The following FSHR variants were observed in gnomAD, a reference collection of about 807,000 sequenced individuals.
FSHR encodes follicle stimulating hormone receptor, also known as follicle-stimulating hormone receptor.
In FSHR, 46 loss-of-function variants were observed where a neutral mutation model predicts 52.1. The ratio of observed to expected loss-of-function variants is 0.88; its 90% confidence interval spans 0.70 to 1.13. The LOEUF (loss-of-function observed/expected upper bound fraction) is 1.13. Ranked by LOEUF, FSHR falls within the 50% of genes most tolerant of loss-of-function variation. FSHR has a pLI of 0.00. For synonymous variants in FSHR, 399 were observed against 309.6 expected (o/e 1.29, Z -3.03); for missense variants, 964 against 834.6 (o/e 1.16, Z -1.91).
chr2:49,090,201 A>G (rs1299273585), intron 1 of FSHR, among the ~76,000 whole-genome samples: 1 of 151,954 alleles, frequency 6.6e-6, no homozygotes, highest in Non-Finnish European at 1.5e-5. Context: ...GCATAGATTC[A>G]TGTAACCACC....
At chr2:49,003,415 C>T (rs745833417) in intron 4 of FSHR, among the ~76,000 whole-genome samples, 6 of 152,208 alleles carry the variant, frequency 3.9e-5, no homozygotes, top group East Asian at 1.9e-4. Flanking sequence ...GTGGTTTCCC[C>T]GTCCTGATCT....
chr2:48,998,893 A>T (rs551254401), intron 4 of FSHR, among the ~76,000 whole-genome samples: 1 of 152,248 alleles, frequency 6.6e-6, no homozygotes, highest in African/African-American at 2.4e-5. Context: ...ATATCGAAGC[A>T]TATTATTCAT....
At chr2:49,137,138 C>G (rs544036896) in intron 1 of FSHR, among the ~76,000 whole-genome samples, 28 of 152,006 alleles carry the variant, frequency 1.8e-4, no homozygotes, top group Non-Finnish European at 1.9e-4. Flanking sequence ...ATTATTAGAA[C>G]TAATAAATGA....
chr2:48,985,025 A>C (rs1675424290), intron 6 of FSHR, among the ~76,000 whole-genome samples: 1 of 152,150 alleles, frequency 6.6e-6, no homozygotes, highest in South Asian at 2.1e-4. Flanking sequence ...TGGGAATCTC[A>C]AGCTAGTAAC....
At chr2:49,049,841 AT>A (rs1668789598) in intron 2 of FSHR, among the ~76,000 whole-genome samples, 2 of 138,466 alleles carry the variant, frequency 1.4e-5, no homozygotes, top group Admixed American at 1.4e-4. Context: ...ATATATATAT[AT>A]ATATATATAA....
At chr2:49,052,894 C>G (rs561900144) in intron 2 of FSHR, among the ~76,000 whole-genome samples, 2 of 152,300 alleles carry the variant, frequency 1.3e-5, no homozygotes, top group African/African-American at 4.8e-5. Flanking sequence ...TTCTGGTTAC[C>G]TGATTTACTT....
chr2:49,034,383 A>G (rs1031421344), intron 2 of FSHR, among the ~76,000 whole-genome samples: 3 of 152,142 alleles, frequency 2.0e-5, no homozygotes, highest in Non-Finnish European at 4.4e-5. Context: ...AACTTCCCCA[A>G]ATCTCCTCTA....
intron 1 of FSHR, among the ~76,000 whole-genome samples, chr2:49,118,812 C>G (rs1016655296): frequency 6.6e-6 from 1 of 152,196 alleles, no homozygotes; most frequent in Non-Finnish European, 1.5e-5. Context: ...GAAATCTTCA[C>G]CTTTTTCCAG....
At chr2:49,141,072 C>G (rs1045775309) in intron 1 of FSHR, among the ~76,000 whole-genome samples, 2 of 152,166 alleles carry the variant, frequency 1.3e-5, no homozygotes, top group Non-Finnish European at 2.9e-5. Flanking sequence ...TATAGATAGG[C>G]ATACATATTG....
intron 6 of FSHR, among the ~76,000 whole-genome samples, chr2:48,985,813 A>C (rs1351868019): frequency 2.3e-5 from 3 of 132,374 alleles, no homozygotes; most frequent in Middle Eastern, 3.9e-3. Flanking sequence ...TCCCGGGTTC[A>C]CGCCATTCTC....
rs530438331 is a variant in FSHR, at chr2:49,142,017, A to C, written c.152+12249T>G. On this transcript the variant is annotated intron_variant, in intron 1 of 9. Coordinates refer to ENST00000406846, the MANE Select transcript of FSHR (RefSeq NM_000145.4). Reference sequence around the variant, plus strand: ...GGGCAAGATGCTATAGGTGGCATGCAGCATAGTGACACAGTAGGACTTATT... The same window carrying C: ...GGGCAAGATGCTATAGGTGGCATGCCGCATAGTGACACAGTAGGACTTATT... Among the ~76,000 whole-genome samples the C allele has an allele frequency of 6.2e-4, 94 of 152,352 alleles. 1 individual carries two copies. Among genetic ancestry groups the C allele is most frequent in the South Asian group, 1.9e-3 (9 of 4,828 alleles).
intron 2 of FSHR, among the ~76,000 whole-genome samples, chr2:49,061,161 A>G (rs1345017760): frequency 6.6e-6 from 1 of 152,070 alleles, no homozygotes; most frequent in Non-Finnish European, 1.5e-5. Context: ...TCTTGGCTTC[A>G]TGGGAAACCT....
chr2:49,088,614 G>A (rs995210963), intron 1 of FSHR, among the ~76,000 whole-genome samples: 5 of 152,162 alleles, frequency 3.3e-5, no homozygotes, highest in Admixed American at 2.0e-4. Flanking sequence ...TTCTTTAGGT[G>A]CCCTCAGTTA....
At chr2:49,079,308 A>G (rs1376167768) in intron 1 of FSHR, among the ~76,000 whole-genome samples, 2 of 152,172 alleles carry the variant, frequency 1.3e-5, no homozygotes, top group Non-Finnish European at 2.9e-5. Flanking sequence ...TTTAATCCAC[A>G]TCAGTATATA....
At chr2:49,006,757 C>A (rs1186756086) in intron 4 of FSHR, among the ~76,000 whole-genome samples, 1 of 152,102 alleles carries the variant, frequency 6.6e-6, no homozygotes, top group Non-Finnish European at 1.5e-5. Flanking sequence ...CTTTTCTCCC[C>A]AAAGGACTGA....
intron 2 of FSHR, among the ~76,000 whole-genome samples, chr2:49,038,916 C>T (rs1443437260): frequency 6.6e-6 from 1 of 151,890 alleles, no homozygotes; most frequent in East Asian, 1.9e-4. Flanking sequence ...AAAAGAAGGG[C>T]TAAAGAAATT....
intron 1 of FSHR, among the ~76,000 whole-genome samples, chr2:49,132,148 C>G (rs1483094029): frequency 1.3e-5 from 2 of 152,114 alleles, no homozygotes; most frequent in Non-Finnish European, 2.9e-5. Flanking sequence ...AGATGTGTTG[C>G]CTGTAGTTAC....
At chr2:49,126,295 G>A (rs1318850820) in intron 1 of FSHR, among the ~76,000 whole-genome samples, 1 of 139,628 alleles carries the variant, frequency 7.2e-6, no homozygotes, top group African/African-American at 2.6e-5. Context: ...AGGCAAGAGA[G>A]CACATGCGCG....
At chr2:49,065,050 T>C (rs1191935401) in intron 2 of FSHR, among the ~76,000 whole-genome samples, 3 of 152,282 alleles carry the variant, frequency 2.0e-5, no homozygotes, top group African/African-American at 7.2e-5. Flanking sequence ...TGCCAGACAT[T>C]GTCCAAAGAA....
Sources: gnomAD v4.1 joint callset for allele counts (sites outside exome capture counted in the v4.1 genomes callset) on GRCh38, gnomAD v4.1.1 for gene constraint, MANE v1.5 for transcripts, NCBI Gene and HGNC (gene_info 2026-07-23, HGNC 2026-07-21) for gene names.